Variants in TPRX1 observed in about 807,000 individuals in gnomAD.
The protein encoded by TPRX1 is tetra-peptide repeat homeobox protein 1.
A neutral mutation model predicts 8.1 loss-of-function variants in TPRX1; 2 were observed. The observed-to-expected ratio is 0.25, with a 90% CI of 0.10 to 0.78. The LOEUF is 0.78. Among genes scored for constraint, TPRX1 ranks in the 30% least tolerant of loss-of-function variants. The pLI is 0.70. For missense variants in TPRX1, 517 were observed against 586.9 expected, an observed-to-expected ratio of 0.88 and a Z score of 1.23; for synonymous variants, 257 against 254.1, an observed-to-expected ratio of 1.01 and a Z score of -0.11.
At chr19:47,811,673 A>T (rs932227226) in intron 2 of TPRX1, among the ~76,000 whole-genome samples, 1 of 149,300 alleles carries the variant, frequency 6.7e-6, no homozygotes, top group Non-Finnish European at 1.5e-5. Flanking sequence ...TAATTTTTGT[A>T]TTTATAGTAG....
chr19:47,810,573 T>C (rs1038641065), intron 2 of TPRX1, among the ~76,000 whole-genome samples: 2 of 152,094 alleles, frequency 1.3e-5, no homozygotes, highest in African/African-American at 2.4e-5. Flanking sequence ...GGTCTTGAAC[T>C]CCTGACCCTG....
chr19:47,815,141 TATGCAAATATATATATATA>T (rs1390426651), intron 2 of TPRX1, among the ~76,000 whole-genome samples: 3 of 103,412 alleles, frequency 2.9e-5, no homozygotes, highest in Admixed American at 1.1e-4. Context: ...TATATATATA[TATGCAAATATATATATATA>T]TATTTTTTTT....
exon 4 of TPRX1, chr19:47,802,933 G>C: frequency 6.5e-7 from 1 of 1,546,382 alleles, no homozygotes; most frequent in East Asian, 2.4e-5. Context: ...GCTGCTGCTG[G>C]AGCCGCCGCT....
At chr19:47,802,335 G>A (rs1438081218) in exon 4 of TPRX1, 6 of 1,196,014 alleles carry the variant, frequency 5.0e-6, no homozygotes, top group Non-Finnish European at 7.0e-6. Context: ...CCTGGGATTG[G>A]GCCTGGGATC....
intron 2 of TPRX1, among the ~76,000 whole-genome samples, chr19:47,815,114 T>TTATATA (rs548380113): frequency 0.082 from 5,178 of 63,154 alleles, 311 homozygotes; most frequent in East Asian, 0.15. Flanking sequence ...AATAGATAAA[T>TTATATA]TATATATATA....
chr19:47,802,722 C>T, exon 4 of TPRX1: 1 of 1,595,348 alleles, frequency 6.3e-7, no homozygotes, highest in Non-Finnish European at 8.5e-7. Context: ...GGGATCGGGC[C>T]AGGGCCTGGA....
chr19:47,801,865 CAT>C lies in TPRX1; in HGVS notation c.1435_1436del (p.Met479GlyfsTer18), dbSNP rs1967666926. ...GCTGAGACCCTGAGTGTTTTTTGCC[CAT>C]AGAGTCATCCCCTTCTTGGTACTGA... On this transcript the variant is annotated frameshift_variant, in exon 4 of 4. Coordinates refer to ENST00000535759, the Ensembl canonical transcript of TPRX1. LOFTEE classifies it low-confidence loss of function (END_TRUNC). The C allele has an allele frequency of 5.0e-6, 8 of 1,613,976 alleles. No homozygotes were observed. Among genetic ancestry groups the C allele is most frequent in the Admixed American group, 1.7e-5 (1 of 59,982 alleles).
At chr19:47,815,151 TATATATATA>T (rs1568617418) in intron 2 of TPRX1, among the ~76,000 whole-genome samples, 42 of 81,890 alleles carry the variant, frequency 5.1e-4, no homozygotes, top group African/African-American at 2.0e-3. Flanking sequence ...TATGCAAATA[TATATATATA>T]TATTTTTTTT....
chr19:47,815,872 A>G (rs1314249042), intron 2 of TPRX1, among the ~76,000 whole-genome samples: 2 of 152,088 alleles, frequency 1.3e-5, no homozygotes, highest in Admixed American at 6.6e-5. Context: ...TATATAGTCA[A>G]TATCAACAAA....
rs1351976400 is a variant in TPRX1, at chr19:47,815,459, ATACTT to A, written c.151+3004_151+3008del. Among the ~76,000 whole-genome samples, 6 of 149,392 alleles carry A rather than the reference ATACTT, an allele frequency of 4.0e-5. No individual in the cohort carries two copies. The East Asian group carries it at 1.2e-3, about 30-fold the overall frequency. On this transcript the variant is annotated intron_variant, in intron 2 of 3. Coordinates refer to ENST00000535759, the Ensembl canonical transcript of TPRX1. ...TGAGCCACCGCACCTGGCTCAAAGAATACTTTAAGTAAAATTCAAAATCTTCAAAA... is the reference window on the plus strand; with the variant it reads ...TGAGCCACCGCACCTGGCTCAAAGAATAAGTAAAATTCAAAATCTTCAAAA...
intron 2 of TPRX1, among the ~76,000 whole-genome samples, chr19:47,806,491 G>A (rs1202413242): frequency 2.0e-5 from 3 of 152,098 alleles, no homozygotes. Context: ...CTGAACTCCA[G>A]CCTGGGTGAC....
intron 2 of TPRX1, among the ~76,000 whole-genome samples, chr19:47,816,232 A>T (rs993944229): frequency 6.8e-6 from 1 of 146,566 alleles, no homozygotes; most frequent in African/African-American, 2.7e-5. Flanking sequence ...CCATACAGCT[A>T]ATTTTTTGTA....
chr19:47,802,909 A>C (rs964033355), exon 4 of TPRX1: 6 of 1,563,246 alleles, frequency 3.8e-6, no homozygotes, highest in Admixed American at 1.9e-5. Context: ...CTCTCTGCCC[A>C]GGGACGCGCT....
chr19:47,815,163 T>TATATATATA (rs201060804), intron 2 of TPRX1, among the ~76,000 whole-genome samples: 1 of 86,294 alleles, frequency 1.2e-5, no homozygotes, highest in Non-Finnish European at 2.1e-5. Flanking sequence ...TATATATATA[T>TATATATATA]TTTTTTTTTT....
At chr19:47,803,748 A>G (rs2547246) in intron 2 of TPRX1, 75 bp from the exon 2 acceptor site, 116,379 of 616,644 alleles carry the variant, frequency 0.19, 26,609 homozygotes, top group East Asian at 0.49. Flanking sequence ...CGTCCCCTGC[A>G]CCAGGCCAGG....
exon 4 of TPRX1, chr19:47,802,321 T>A (rs574647007): frequency 1.3e-6 from 2 of 1,496,706 alleles, no homozygotes; most frequent in Non-Finnish European, 1.8e-6. Context: ...GGCCTGAGAT[T>A]GGGCCTGGGA....
chr19:47,803,306 C>T (rs539707261), intron 3 of TPRX1, among the ~76,000 whole-genome samples, 198 bp downstream of exon 2: 1 of 151,820 alleles, frequency 6.6e-6, no homozygotes, highest in South Asian at 2.1e-4. Flanking sequence ...TGGGGGACAG[C>T]CTGGGCCGAT....
intron 2 of TPRX1, among the ~76,000 whole-genome samples, chr19:47,815,575 C>T (rs1292729127): frequency 1.4e-5 from 2 of 145,162 alleles, no homozygotes; most frequent in African/African-American, 5.1e-5. Flanking sequence ...TTGGGAGGCC[C>T]AGGCAGGAGG....
At chr19:47,815,164 T>TATATATATATATATATGCAAATA (rs1228376903) in intron 2 of TPRX1, among the ~76,000 whole-genome samples, 1 of 49,910 alleles carries the variant, frequency 2.0e-5, no homozygotes, top group Non-Finnish European at 4.2e-5. Flanking sequence ...ATATATATAT[T>TATATATATATATATATGCAAATA]TTTTTTTTTT....
Sources: gnomAD v4.1 joint callset for allele counts (sites outside exome capture counted in the v4.1 genomes callset) on GRCh38, gnomAD v4.1.1 for gene constraint, MANE v1.5 for transcripts, NCBI Gene and HGNC (gene_info 2026-07-23, HGNC 2026-07-21) for gene names.